Variants in RGS8 observed in about 807,000 individuals in gnomAD.
RGS8 encodes the protein regulator of G protein signaling 8.
Under a neutral mutation model 21.7 loss-of-function variants are expected in RGS8, and 8 were observed. The observed-to-expected ratio is 0.37, with a 90% CI of 0.22 to 0.66. The LOEUF is 0.66. Ranked by LOEUF, RGS8 falls within the 30% of genes least tolerant of loss-of-function variation. RGS8 has a pLI of 0.59. For missense variants in RGS8, 157 were observed against 217.9 expected, an observed-to-expected ratio of 0.72 and a Z score of 1.76; for synonymous variants, 80 against 83.6, an observed-to-expected ratio of 0.96 and a Z score of 0.24.
chr1:182,692,152 C>T, the RGS8 span, among the ~76,000 whole-genome samples: 6 of 151,944 alleles, frequency 3.9e-5, no homozygotes, highest in African/African-American at 7.3e-5. Flanking sequence ...ATTACAGGCA[C>T]GTGCCACCAC....
At chr1:182,688,436 G>T (rs1664752912), upstream of RGS8, among the ~76,000 whole-genome samples, 1 of 152,054 alleles carries the variant, frequency 6.6e-6, no homozygotes, top group African/African-American at 2.4e-5. Flanking sequence ...TGAGGAGGAA[G>T]AAAAAGAGGG....
At chr1:182,654,771 T>C (rs982774744) in intron 5 of RGS8, among the ~76,000 whole-genome samples, 9 of 152,128 alleles carry the variant, frequency 5.9e-5, no homozygotes, top group Non-Finnish European at 1.0e-4. Flanking sequence ...GGAGTTACAA[T>C]GCACCAAAAA....
chr1:182,741,288 G>T, the RGS8 span, among the ~76,000 whole-genome samples: 6 of 87,746 alleles, frequency 6.8e-5, no homozygotes, highest in African/African-American at 2.9e-4. Context: ...CCTCCCGGAC[G>T]GGGCGGCTGG....
At chr1:182,643,232 G>A (rs1388167067), downstream of RGS8, 13 of 152,138 alleles carry the variant, frequency 8.5e-5, no homozygotes, top group Admixed American at 8.5e-4. Flanking sequence ...TCAGGCTGCA[G>A]GGCTGGCCAG....
the RGS8 span, among the ~76,000 whole-genome samples, chr1:182,718,607 G>A: frequency 6.6e-6 from 1 of 152,104 alleles, no homozygotes; most frequent in East Asian, 1.9e-4. Context: ...AAAATTGGCA[G>A]ACTCCACATA....
chr1:182,740,548 G>GTTTTTTTTTTTTTTTTT, the RGS8 span, among the ~76,000 whole-genome samples: 91 of 75,954 alleles, frequency 1.2e-3, no homozygotes, highest in East Asian at 1.9e-3. Flanking sequence ...TTGTTTGTTT[G>GTTTTTTTTTTTTTTTTT]TTTTTTTTTT....
At chr1:182,742,317 C>A in the RGS8 span, among the ~76,000 whole-genome samples, 1 of 151,514 alleles carries the variant, frequency 6.6e-6, no homozygotes, top group African/African-American at 2.4e-5. Flanking sequence ...CGGAGACGCT[C>A]CTCACTTCCC....
At chr1:182,657,139 C>T (rs1157736465) in intron 5 of RGS8, among the ~76,000 whole-genome samples, 1 of 141,152 alleles carries the variant, frequency 7.1e-6, no homozygotes, top group East Asian at 2.4e-4. Flanking sequence ...GCAAACAAAT[C>T]CAAACACAAC....
the RGS8 span, among the ~76,000 whole-genome samples, chr1:182,690,747 G>A: frequency 6.6e-6 from 1 of 152,186 alleles, no homozygotes; most frequent in Non-Finnish European, 1.5e-5. Flanking sequence ...GATTGTTGAA[G>A]TGATGGCCCT....
chr1:182,699,985 T>C, the RGS8 span, among the ~76,000 whole-genome samples: 1 of 152,204 alleles, frequency 6.6e-6, no homozygotes, highest in Admixed American at 6.5e-5. Flanking sequence ...CCTCACACCC[T>C]GCAGGAGACT....
intron 2 of RGS8, among the ~76,000 whole-genome samples, chr1:182,670,830 C>T (rs879277852): frequency 3.3e-5 from 5 of 152,162 alleles, no homozygotes; most frequent in Non-Finnish European, 5.9e-5. Context: ...TCCCTGGCTG[C>T]AGGGACATTT....
the RGS8 span, among the ~76,000 whole-genome samples, chr1:182,698,672 G>A: frequency 1.3e-5 from 2 of 151,984 alleles, no homozygotes; most frequent in Non-Finnish European, 2.9e-5. Flanking sequence ...TTTTTTGTGG[G>A]TGAAAAAAGT....
the RGS8 span, among the ~76,000 whole-genome samples, chr1:182,709,904 A>C: frequency 1.3e-5 from 2 of 152,194 alleles, no homozygotes; most frequent in African/African-American, 4.8e-5. Context: ...TCTTGGCTGC[A>C]AGCAACAGAA....
At chr1:182,721,543 G>C in the RGS8 span, among the ~76,000 whole-genome samples, 2 of 152,212 alleles carry the variant, frequency 1.3e-5, no homozygotes, top group Non-Finnish European at 2.9e-5. Context: ...TAAGAAAAGA[G>C]AGTGCTGCTT....
At chr1:182,715,593 T>C in the RGS8 span, among the ~76,000 whole-genome samples, 2 of 152,218 alleles carry the variant, frequency 1.3e-5, no homozygotes. Context: ...CCAGAGTCTT[T>C]TATTCAAGTG....
the RGS8 span, among the ~76,000 whole-genome samples, chr1:182,740,671 CT>C: frequency 3.5e-5 from 5 of 141,546 alleles, no homozygotes; most frequent in African/African-American, 5.3e-5. Flanking sequence ...GAACAAAGGT[CT>C]CTGGTTTTCC....
chr1:182,709,246 C>A, the RGS8 span, among the ~76,000 whole-genome samples: 1 of 152,172 alleles, frequency 6.6e-6, no homozygotes, highest in African/African-American at 2.4e-5. Flanking sequence ...AAGTTTTACA[C>A]TTTTCAGCCC....
chr1:182,720,920 CATATATACATATATACAT>C, the RGS8 span, among the ~76,000 whole-genome samples: 1 of 52,182 alleles, frequency 1.9e-5, no homozygotes, highest in Admixed American at 1.7e-4. Context: ...TGTGTATATA[CATATATACATATATACAT>C]ATATATACAT....
chr1:182,692,877 G>C, the RGS8 span, among the ~76,000 whole-genome samples: 1 of 152,224 alleles, frequency 6.6e-6, no homozygotes, highest in East Asian at 1.9e-4. Flanking sequence ...AAGCAACGGG[G>C]AAAGGATTCC....
Sources: allele counts gnomAD v4.1 joint callset (sites outside exome capture counted in the v4.1 genomes callset), GRCh38; gene constraint gnomAD v4.1.1; transcripts MANE v1.5; gene names NCBI Gene and HGNC (gene_info 2026-07-23, HGNC 2026-07-21).